The following ITGA2 variants were observed in gnomAD, a reference collection of about 807,000 sequenced individuals.
The protein encoded by ITGA2 is integrin alpha-2.
ITGA2 carries 101 observed loss-of-function variants against 146.3 expected under a neutral mutation model. The observed-to-expected ratio is 0.69, with a 90% confidence interval of 0.59 to 0.81. The LOEUF is 0.81. ITGA2 is among the 40% of genes least tolerant of loss of function. ITGA2 has a pLI of 0.00. For missense variants in ITGA2, 1,281 were observed against 1,402.7 expected, an observed-to-expected ratio of 0.91 and a Z score of 1.39; for synonymous variants, 477 against 487.1, an observed-to-expected ratio of 0.98 and a Z score of 0.27.
rs370283699 is a variant in ITGA2 at position 53,017,546 on chromosome 5, A to T, written c.65-9202A>T. On this transcript the variant is annotated intron_variant, in intron 1 of 29. Coordinates refer to ENST00000296585, the MANE Select transcript of ITGA2 (RefSeq NM_002203.4). Reference sequence around the variant, plus strand: ...AGCTCTTTGTTGGGGTGGTGGCAGCAGGATCCATCGTCACTTTTATGTGAC... The same window carrying T: ...AGCTCTTTGTTGGGGTGGTGGCAGCTGGATCCATCGTCACTTTTATGTGAC... Among the ~76,000 whole-genome samples, 40 of 152,342 alleles carry T rather than the reference A, an allele frequency of 2.6e-4. No homozygotes were observed. The East Asian group carries it at 6.6e-3, about 25-fold the overall frequency.
intron 1 of ITGA2, among the ~76,000 whole-genome samples, chr5:53,011,761 T>C (rs1742143440): frequency 6.6e-6 from 1 of 151,320 alleles, no homozygotes. Flanking sequence ...GGAGTGGTAA[T>C]AAGGAAGGAA....
intron 2 of ITGA2, among the ~76,000 whole-genome samples, chr5:53,040,503 T>A (rs1043422124): frequency 1.3e-5 from 2 of 152,200 alleles, no homozygotes; most frequent in Non-Finnish European, 2.9e-5. Context: ...TTAAAGTGGC[T>A]ATTGGGACTT....
Position 53,057,666 on chromosome 5 carries a change from T to A in ITGA2, c.1097-359T>A, listed in dbSNP as rs141010288. ...CAGTTAGTTTCTTAGCTAGTAATGA[T>A]CAAGTTTTTAAAAAATTATCATCTC... On this transcript the variant is annotated intron_variant, in intron 9 of 29. Transcript: ENST00000296585. Among the ~76,000 whole-genome samples the A allele has an allele frequency of 3.6e-3, 545 of 152,106 alleles. 5 individuals are homozygous for A. Among genetic ancestry groups the A allele is most frequent in the African/African-American group, 0.013 (524 of 41,554 alleles).
At chr5:53,070,488 G>A (rs1010600302) in intron 17 of ITGA2, among the ~76,000 whole-genome samples, 1 of 151,840 alleles carries the variant, frequency 6.6e-6, no homozygotes, top group Non-Finnish European at 1.5e-5. Flanking sequence ...TGCAATGAAA[G>A]GGCTAAAAAT....
At chr5:52,993,436 A>G (rs1741070841) in intron 1 of ITGA2, among the ~76,000 whole-genome samples, 1 of 152,200 alleles carries the variant, frequency 6.6e-6, no homozygotes, top group Non-Finnish European at 1.5e-5. Flanking sequence ...GATTGCTTAA[A>G]TATCATCACT....
rs1339558442 is a variant in ITGA2, at chr5:53,071,998, G to A, written c.2296G>A (p.Gly766Ser). The A allele has an allele frequency of 1.2e-6, 2 of 1,612,334 alleles. No individual in the cohort carries two copies. The highest frequency in any genetic ancestry group is 1.7e-6 in the Non-Finnish European group (2 of 1,178,940). ...TGTGGACATCAGTCTGGAAAACCCT[G>A]GCACTAGCCCTGCCCTTGAAGCCTA... Reference protein sequence around the residue: ...LRVDISLENPGTSPALEAYSE... With the variant: ...LRVDISLENPSTSPALEAYSE... The change falls in exon 18 of 30, where the codon GGC (glycine) becomes AGC (serine). Residue 766 changes from glycine to serine, a missense_variant. Physicochemically the swap from Gly to Ser is moderately conservative, Grantham distance 56. Around this residue, in one of 3 missense-constraint regions of ITGA2, gnomAD observed 475 missense variants for 530.5 expected, o/e 0.90. Transcript: ENST00000296585.
chr5:53,013,569 T>C (rs1464938584), intron 1 of ITGA2, among the ~76,000 whole-genome samples: 1 of 152,102 alleles, frequency 6.6e-6, no homozygotes, highest in Admixed American at 6.6e-5. Context: ...TCTCTTTGCT[T>C]AGATTGTTTT....
Position 53,001,043 on chromosome 5 carries a change from AGGTGTGTACCACCATGCT to A in ITGA2, c.64+11514_64+11531del, listed in dbSNP as rs1403083690. 5.9e-5 allele frequency among the ~76,000 whole-genome samples: 9 copies of A among 151,886 alleles called. No individual in the cohort carries two copies. In the South Asian group the frequency reaches 1.3e-3, roughly 21 times the overall value. On this transcript the variant is annotated intron_variant, in intron 1 of 29. Transcript: ENST00000296585. ...CAGATTCCTGAGTAGCTGGTAATAC[AGGTGTGTACCACCATGCT>A]GGGCTAATTTTTGTAGTTTTAGTAG... is the stretch of plus-strand genomic sequence containing the variant.
intron 1 of ITGA2, among the ~76,000 whole-genome samples, chr5:53,024,857 T>C (rs1742864714): frequency 6.6e-6 from 1 of 152,180 alleles, no homozygotes; most frequent in East Asian, 1.9e-4. Flanking sequence ...GACCTTTGAA[T>C]TTACAGTGAG....
chr5:53,093,103 TCAAA>T lies in ITGA2; in HGVS notation c.*2517_*2520del, dbSNP rs72277253. The stretch of plus-strand genomic sequence containing the variant: ...CTGGGTGACAGGGCAAGACTCTGTC[TCAAA>T]CAAACAAACAAAAAAAAAGTTAGTA... On this transcript the variant is annotated 3_prime_UTR_variant, in exon 30 of 30. Coordinates refer to ENST00000296585, the MANE Select transcript of ITGA2 (RefSeq NM_002203.4). 0.14 allele frequency: 21,252 copies of T among 151,982 alleles called. 1,611 individuals are homozygous for T. The highest frequency in any genetic ancestry group is 0.22 in the Admixed American group (3,408 of 15,230). The allele number at this position is 151,982 out of a possible 1,614,324, so 9.4% of individuals were successfully genotyped here. A position where few individuals can be genotyped will look rare whatever the true frequency, so the allele number is the denominator to read the frequency against.
intron 12 of ITGA2, among the ~76,000 whole-genome samples, chr5:53,061,932 C>CT (rs1744920868): frequency 6.6e-6 from 1 of 151,824 alleles, no homozygotes; most frequent in South Asian, 2.1e-4. Flanking sequence ...ACTTTTCTCT[C>CT]TTTTTTAATA....
intron 1 of ITGA2, among the ~76,000 whole-genome samples, chr5:53,018,269 C>T (rs1272771961): frequency 6.6e-6 from 1 of 152,144 alleles, no homozygotes; most frequent in African/African-American, 2.4e-5. Flanking sequence ...GTTGTTAAAT[C>T]CTCTGGGCTC....
chr5:52,990,048 AT>A (rs894553226), intron 1 of ITGA2: 1 of 174,180 alleles, frequency 5.7e-6, no homozygotes, highest in African/African-American at 2.4e-5. Flanking sequence ...CAAAATGCTT[AT>A]TTTTCAACCC....
chr5:53,056,129 A>G lies in ITGA2; in HGVS notation c.1076A>G (p.Glu359Gly). 1 of 1,611,708 alleles carries G rather than the reference A, an allele frequency of 6.2e-7. No individual in the cohort carries two copies. The highest frequency in any genetic ancestry group is 1.7e-4 in the Middle Eastern group (1 of 6,008). The stretch of plus-strand genomic sequence containing the variant: ...CTAGAAAAGGCTGGGACATTAGGAG[A>G]ACAAATTTTCAGCATTGAAGGTAAA... Reference protein sequence around the residue: ...ALLEKAGTLGEQIFSIEGTVQ... With the variant: ...ALLEKAGTLGGQIFSIEGTVQ... The change falls in exon 9 of 30, where the codon GAA becomes GGA. Residue 359 changes from glutamate (E) to glycine (G), a missense_variant. Glu to Gly is a moderately conservative substitution (Grantham distance 98, BLOSUM62 -2). Coordinates refer to ENST00000296585, the MANE Select transcript of ITGA2 (RefSeq NM_002203.4).
intron 1 of ITGA2, among the ~76,000 whole-genome samples, chr5:53,010,904 G>C (rs539101404): frequency 7.9e-5 from 12 of 152,206 alleles, no homozygotes; most frequent in African/African-American, 2.9e-4. Flanking sequence ...AAATGTTTTT[G>C]TAAGAGTGGG....
chr5:52,997,118 G>A (rs865844806), intron 1 of ITGA2, among the ~76,000 whole-genome samples: 2 of 152,156 alleles, frequency 1.3e-5, no homozygotes, highest in Non-Finnish European at 2.9e-5. Flanking sequence ...TTACATTTTA[G>A]AACCAGTATA....
At chr5:53,028,724 C>A (rs904053746) in intron 2 of ITGA2, among the ~76,000 whole-genome samples, 1 of 152,186 alleles carries the variant, frequency 6.6e-6, no homozygotes, top group Non-Finnish European at 1.5e-5. Context: ...TCTGCACAAG[C>A]TAATGAGGCC....
intron 2 of ITGA2, among the ~76,000 whole-genome samples, chr5:53,030,577 C>T (rs1743178067): frequency 6.6e-6 from 1 of 152,272 alleles, no homozygotes; most frequent in South Asian, 2.1e-4. Context: ...AAAAGTTGGC[C>T]AAGCAAGTCT....
At chr5:53,040,136 T>G (rs1452463008) in intron 2 of ITGA2, among the ~76,000 whole-genome samples, 4 of 152,082 alleles carry the variant, frequency 2.6e-5, no homozygotes, top group African/African-American at 9.7e-5. Flanking sequence ...AGAAACAGCA[T>G]GTATGAAGGT....
Sources: allele counts gnomAD v4.1 joint callset (sites outside exome capture counted in the v4.1 genomes callset), GRCh38; gene constraint gnomAD v4.1.1; regional missense constraint gnomAD v4.1.1; transcripts MANE v1.5; gene names NCBI Gene and HGNC (gene_info 2026-07-23, HGNC 2026-07-21).